ATIC: variants seen among roughly 807,000 people sequenced by gnomAD.
ATIC encodes the protein 5-aminoimidazole-4-carboxamide ribonucleotide formyltransferase/IMP cyclohydrolase, also known as bifunctional purine biosynthesis protein ATIC.
ATIC carries 64 observed loss-of-function variants against 72.5 expected under a neutral mutation model. The observed-to-expected ratio is 0.88, with a 90% CI of 0.72 to 1.09. ATIC has a LOEUF of 1.09. Among genes scored for constraint, ATIC ranks in the 50% least tolerant of loss-of-function variants. The probability of loss-of-function intolerance (pLI) is 0.00; values close to 1 mark genes in which losing one functional copy is unlikely to be tolerated. For missense variants in ATIC, 787 were observed against 732.4 expected, an observed-to-expected ratio of 1.07 and a Z score of -0.86; for synonymous variants, 281 against 267.1, an observed-to-expected ratio of 1.05 and a Z score of -0.51.
chr2:215,365,290 G>T, the ATIC span, among the ~76,000 whole-genome samples: 1 of 152,234 alleles, frequency 6.6e-6, no homozygotes, highest in South Asian at 2.1e-4. Flanking sequence ...AAATACTCAG[G>T]TTGGACAAGT....
the ATIC span, among the ~76,000 whole-genome samples, chr2:215,368,341 C>T: frequency 7.9e-3 from 1,205 of 152,274 alleles, 12 homozygotes; most frequent in Middle Eastern, 0.014. Flanking sequence ...TAGTGGAGAA[C>T]TTTAGTGGGA....
At chr2:215,368,166 C>A in the ATIC span, 1 of 935,836 alleles carries the variant, frequency 1.1e-6, no homozygotes, top group South Asian at 1.4e-5. Flanking sequence ...TTCATCTGTT[C>A]TATCAAGGCA....
chr2:215,345,353 C>T (rs2053060649), intron 13 of ATIC: 1 of 223,306 alleles, frequency 4.5e-6, no homozygotes, highest in Admixed American at 5.2e-5. Flanking sequence ...AAGTTAGGTT[C>T]ATTGAGGCAT....
At chr2:215,344,010 C>T (rs916296905) in intron 12 of ATIC, among the ~76,000 whole-genome samples, 3 of 152,120 alleles carry the variant, frequency 2.0e-5, no homozygotes, top group South Asian at 2.1e-4. Context: ...AGAAAATGAT[C>T]GTAATTTGAT....
At chr2:215,322,416 G>A (rs564965596) in intron 4 of ATIC, among the ~76,000 whole-genome samples, 22 of 146,694 alleles carry the variant, frequency 1.5e-4, no homozygotes, top group Non-Finnish European at 2.7e-4. Flanking sequence ...TGCAACCTTC[G>A]CCTCCTGGGT....
At chr2:215,361,180 G>A in the ATIC span, 1 of 255,808 alleles carries the variant, frequency 3.9e-6, no homozygotes, top group Non-Finnish European at 7.7e-6. Context: ...AGTGAAAGCA[G>A]AAGTGTTTGG....
At position 215,346,771 on chromosome 2, in the gene ATIC, G is replaced by T; in HGVS notation, c.1333G>T (p.Gly445Ter). 2.5e-6 allele frequency: 4 copies of T among 1,614,194 alleles called. No individual in the cohort carries two copies. Among genetic ancestry groups the T allele is most frequent in the Non-Finnish European group, 3.4e-6 (4 of 1,180,026 alleles). ...CTGTGTTCCTCAGGTTATCGGCATT[G>T]GAGCAGGACAGCAGTCTCGTATACA... ...YAKNGQVIGI[G>*]AGQQSRIHCT... Residue 445 changes from glycine (G) to a stop codon, truncating the protein, a stop_gained, in exon 14 of 16, where the codon GGA (glycine) becomes TGA (stop). Transcript: ENST00000236959. LOFTEE classifies it high-confidence loss of function.
At chr2:215,349,017 C>T in intron 14 of ATIC, 77 bp from the exon 15 acceptor site, 5 of 1,467,770 alleles carry the variant, frequency 3.4e-6, no homozygotes, top group Non-Finnish European at 4.7e-6. Flanking sequence ...CAGGTGCTTT[C>T]TGGCATGGTG....
chr2:215,337,512 A>G (rs1441696697), intron 11 of ATIC, among the ~76,000 whole-genome samples: 1 of 152,086 alleles, frequency 6.6e-6, no homozygotes, highest in Non-Finnish European at 1.5e-5. Flanking sequence ...GACTACAGGC[A>G]TGTACTACCA....
intron 13 of ATIC, 51 bp downstream of exon 13, chr2:215,344,922 A>T (rs748770647): frequency 6.6e-7 from 1 of 1,524,902 alleles, no homozygotes; most frequent in East Asian, 2.3e-5. Flanking sequence ...TTACGAAATG[A>T]TATTTAAACA....
intron 12 of ATIC, among the ~76,000 whole-genome samples, chr2:215,343,903 T>C (rs191888033): frequency 5.9e-5 from 9 of 152,330 alleles, no homozygotes; most frequent in African/African-American, 1.9e-4. Context: ...ATACTAAAGA[T>C]AGTGATATTT....
At chr2:215,358,418 G>A in the ATIC span, among the ~76,000 whole-genome samples, 1 of 151,760 alleles carries the variant, frequency 6.6e-6, no homozygotes, top group Middle Eastern at 3.2e-3. Flanking sequence ...GCAATAACCT[G>A]AATCAATAAA....
chr2:215,335,021 G>A lies in ATIC; in HGVS notation c.1008+17G>A. 1 of 1,582,752 alleles carries A rather than the reference G, an allele frequency of 6.3e-7. No homozygotes were observed. The highest frequency in any genetic ancestry group is 1.1e-5 in the South Asian group (1 of 90,416). Reference sequence around the variant, plus strand: ...TCCAGAGAAGTTAGTGGACATTCATGTATCTTAATCTGTGTGTTGAATAAA... The same window carrying A: ...TCCAGAGAAGTTAGTGGACATTCATATATCTTAATCTGTGTGTTGAATAAA... On this transcript the variant is annotated intron_variant, in intron 10 of 15. Coordinates refer to ENST00000236959, the MANE Select transcript of ATIC (RefSeq NM_004044.7).
chr2:215,351,387 C>G (rs1253180011), downstream of ATIC, among the ~76,000 whole-genome samples: 1 of 152,180 alleles, frequency 6.6e-6, no homozygotes, highest in Admixed American at 6.5e-5. Flanking sequence ...ATAGCTAATA[C>G]AGATTTTGGC....
intron 12 of ATIC, among the ~76,000 whole-genome samples, chr2:215,339,195 A>G (rs1190741654): frequency 2.6e-5 from 4 of 152,196 alleles, no homozygotes; most frequent in Non-Finnish European, 5.9e-5. Context: ...GCTTTTTTCC[A>G]TGTGCTAGGC....
At chr2:215,328,209 C>T (rs2052850846) in intron 7 of ATIC, among the ~76,000 whole-genome samples, 2 of 152,092 alleles carry the variant, frequency 1.3e-5, no homozygotes, top group Admixed American at 6.5e-5. Flanking sequence ...TAACACTTCC[C>T]AAATCCCCAC....
intron 13 of ATIC, 55 bp downstream of exon 13, chr2:215,344,926 TTAAACATCC>T: frequency 6.6e-7 from 1 of 1,523,206 alleles, no homozygotes; most frequent in Non-Finnish European, 9.1e-7. Context: ...GAAATGATAT[TTAAACATCC>T]GTCTGCCTTA....
At chr2:215,366,594 C>T in the ATIC span, among the ~76,000 whole-genome samples, 1 of 152,160 alleles carries the variant, frequency 6.6e-6, no homozygotes, top group Non-Finnish European at 1.5e-5. Flanking sequence ...ACTTTTTAAC[C>T]TCCAGGGCTT....
At chr2:215,320,780 C>G (rs2052758315) in intron 4 of ATIC, among the ~76,000 whole-genome samples, 1 of 152,090 alleles carries the variant, frequency 6.6e-6, no homozygotes, top group African/African-American at 2.4e-5. Flanking sequence ...GGGGTTTCAC[C>G]ATGTTGGTCA....
Sources: gnomAD v4.1 joint callset for allele counts (sites outside exome capture counted in the v4.1 genomes callset) on GRCh38, gnomAD v4.1.1 for gene constraint, MANE v1.5 for transcripts, NCBI Gene and HGNC (gene_info 2026-07-23, HGNC 2026-07-21) for gene names.